The following TLN2 variants were observed in gnomAD, a reference collection of about 807,000 sequenced individuals.
The protein encoded by TLN2 is talin 2.
A neutral mutation model predicts 294.7 loss-of-function variants in TLN2; 118 were observed. That is an observed-to-expected ratio of 0.40 (90% CI 0.34 to 0.47). TLN2 has a LOEUF of 0.47. TLN2 is among the 20% of genes least tolerant of loss of function. The pLI is 0.84. For missense variants in TLN2, 3,083 were observed against 3,282.2 expected (o/e 0.94, Z 1.48); for synonymous variants, 1,431 against 1,304.5 (o/e 1.10, Z -2.09).
At chr15:62,806,278 G>T (rs981198750) in intron 51 of TLN2, among the ~76,000 whole-genome samples, 3 of 152,202 alleles carry the variant, frequency 2.0e-5, no homozygotes, top group Admixed American at 1.3e-4. Flanking sequence ...GTTTGAGAGG[G>T]GATGGAGTCA....
intron 50 of TLN2, among the ~76,000 whole-genome samples, chr15:62,805,323 G>T (rs1392926256): frequency 6.6e-6 from 1 of 152,134 alleles, no homozygotes; most frequent in Non-Finnish European, 1.5e-5. Context: ...AATATTGGGT[G>T]TCAGTTTCTG....
At chr15:62,718,923 A>G (rs942794899) in intron 24 of TLN2, among the ~76,000 whole-genome samples, 12 of 152,344 alleles carry the variant, frequency 7.9e-5, no homozygotes, top group Non-Finnish European at 1.3e-4. Flanking sequence ...GACTAGAACT[A>G]GCAGAACTGG....
intron 28 of TLN2, among the ~76,000 whole-genome samples, chr15:62,728,737 G>A (rs1226279144): frequency 6.6e-6 from 1 of 152,040 alleles, no homozygotes. Flanking sequence ...TGAAAATTGG[G>A]TTATTGTCTT....
Position 62,647,303 on chromosome 15 carries a change from C to G in TLN2, c.-8C>G. The G allele has an allele frequency of 2.5e-6, 4 of 1,613,792 alleles. No homozygotes were observed. Among genetic ancestry groups the G allele is most frequent in the Non-Finnish European group, 3.4e-6 (4 of 1,179,852 alleles). ...TTCTAAGTGAGACTGTCCACATCAT[C>G]TAGGAAAATGGTGGCCCTGTCCTTA... is the stretch of plus-strand genomic sequence containing the variant. On this transcript the variant is annotated 5_prime_UTR_variant, in exon 4 of 59. The change creates a new upstream start codon in the 5' untranslated region. Coordinates refer to ENST00000636159, the MANE Select transcript of TLN2 (RefSeq NM_015059.3).
rs139830804 is a variant in TLN2, at chr15:62,495,466, T to G, written c.-237-94221T>G. 5.3e-4 allele frequency among the ~76,000 whole-genome samples: 80 copies of G among 152,296 alleles called. 2 individuals carry two copies. In the East Asian group the frequency reaches 0.013, roughly 24 times the overall value. ...CTCATGGGAATGGCATTTCCAAGAT[T>G]AGGGGTAAAGTGGGACCTCCCTGTT... is the stretch of plus-strand genomic sequence containing the variant. On this transcript the variant is annotated intron_variant, in intron 1 of 58. Transcript: ENST00000636159.
At position 62,699,941 on chromosome 15, in the gene TLN2, TGCCATCACAGGG is replaced by T. The variant is rs1391952996; in HGVS notation, c.1587+1079_1587+1090del. ...CAACCACTGTTGTAGGACTGACTGG[TGCCATCACAGGG>T]GCCAGAACCAAGATACAGTCTGTAG... On this transcript the variant is annotated intron_variant, in intron 16 of 58. Coordinates refer to ENST00000636159, the MANE Select transcript of TLN2 (RefSeq NM_015059.3). Among the ~76,000 whole-genome samples the T allele has an allele frequency of 9.2e-5, 14 of 152,310 alleles. No individual in the cohort carries two copies. In the East Asian group the frequency reaches 2.7e-3, roughly 29 times the overall value.
chr15:62,455,601 A>G (rs1294868716), intron 1 of TLN2, among the ~76,000 whole-genome samples: 3 of 152,102 alleles, frequency 2.0e-5, no homozygotes, highest in Non-Finnish European at 4.4e-5. Flanking sequence ...TGCGGTTACC[A>G]CTATGCCAGA....
chr15:62,653,886 T>C (rs901126414), intron 7 of TLN2, among the ~76,000 whole-genome samples: 1 of 152,222 alleles, frequency 6.6e-6, no homozygotes, highest in African/African-American at 2.4e-5. Flanking sequence ...CAAATAAGGT[T>C]GAACAAGTTA....
At chr15:62,741,748 C>CGCGCCTGTGTGTGTGTGTGTGTGT in intron 32 of TLN2, among the ~76,000 whole-genome samples, 1 of 131,072 alleles carries the variant, frequency 7.6e-6, no homozygotes, top group Non-Finnish European at 1.6e-5. Context: ...AAAATTTGCG[C>CGCGCCTGTGTGTGTGTGTGTGTGT]GTGTGTGTGT....
chr15:62,786,507 C>T (rs1418711473), intron 45 of TLN2, among the ~76,000 whole-genome samples: 27 of 152,036 alleles, frequency 1.8e-4, no homozygotes, highest in Non-Finnish European at 5.9e-5. Flanking sequence ...TTATTTTCCC[C>T]TTAAAAAAAG....
chr15:62,424,716 A>T (rs1353803892), intron 1 of TLN2, among the ~76,000 whole-genome samples: 1 of 150,880 alleles, frequency 6.6e-6, no homozygotes, highest in Admixed American at 6.6e-5. Flanking sequence ...CTAGTGGCCC[A>T]ATCTTGGCTC....
At chr15:62,450,423 T>TCGC (rs2036039336) in intron 1 of TLN2, among the ~76,000 whole-genome samples, 1 of 149,184 alleles carries the variant, frequency 6.7e-6, no homozygotes, top group Admixed American at 6.9e-5. Context: ...ACATAGATAG[T>TCGC]CGCCTGTAGG....
intron 1 of TLN2, among the ~76,000 whole-genome samples, chr15:62,434,441 CT>C (rs947885708): frequency 6.6e-6 from 1 of 151,994 alleles, no homozygotes; most frequent in African/African-American, 2.4e-5. Flanking sequence ...ACATTTGGGT[CT>C]TTTTTTTATC....
At chr15:62,674,013 T>C in intron 10 of TLN2, 123 bp downstream of exon 10, 3 of 618,996 alleles carry the variant, frequency 4.8e-6, no homozygotes, top group Non-Finnish European at 8.2e-6. Flanking sequence ...AATAAATGAT[T>C]AGTGACTCAA....
intron 7 of TLN2, among the ~76,000 whole-genome samples, chr15:62,653,629 A>G (rs1360595027): frequency 6.6e-6 from 1 of 152,122 alleles, no homozygotes; most frequent in Non-Finnish European, 1.5e-5. Context: ...CAGGAGGCTC[A>G]GGCAGGAGAA....
chr15:62,657,731 C>A, intron 8 of TLN2, 40 bp from the exon 9 acceptor site: 2 of 1,600,852 alleles, frequency 1.2e-6, no homozygotes, highest in Non-Finnish European at 1.7e-6. Flanking sequence ...CGTGTCACTC[C>A]CCGAAGCCTC....
Position 62,694,404 on chromosome 15 carries a change from G to C in TLN2, c.1292+12G>C, listed in dbSNP as rs1249627044. The C allele has an allele frequency of 6.2e-7, 1 of 1,612,780 alleles. No individual in the cohort carries two copies. ...GTTTCCCCAAAAAAGTAAGTATTAT[G>C]AAGAGTACTAGAGGACCACCTTCTC... On this transcript the variant is annotated intron_variant, in intron 14 of 58. Coordinates refer to ENST00000636159, the MANE Select transcript of TLN2 (RefSeq NM_015059.3).
At chr15:62,581,584 C>T (rs2045035332) in intron 1 of TLN2, among the ~76,000 whole-genome samples, 2 of 152,148 alleles carry the variant, frequency 1.3e-5, no homozygotes, top group Non-Finnish European at 2.9e-5. Context: ...GAATAGTGTA[C>T]AGAGGGGAAT....
In TLN2 at chr15:62,835,969, A is replaced by C; in HGVS notation, c.7270A>C (p.Lys2424Gln). The C allele has an allele frequency of 6.2e-7, 1 of 1,614,110 alleles. No individual in the cohort carries two copies. Among genetic ancestry groups the C allele is most frequent in the Non-Finnish European group, 8.5e-7 (1 of 1,179,992 alleles). Residue 2424 changes from lysine (K) to glutamine (Q), a missense_variant, in exon 57 of 59, where the codon AAG becomes CAG. Coordinates refer to ENST00000636159, the MANE Select transcript of TLN2 (RefSeq NM_015059.3). ...CGTTCAGGGACACGCCAGCGAGGAGAAGCTCATCTCATCTGCCAAGCAGGT... is the reference window on the plus strand; with the variant it reads ...CGTTCAGGGACACGCCAGCGAGGAGCAGCTCATCTCATCTGCCAAGCAGGT... ...ASVQGHASEEKLISSAKQVAA... is the reference protein window; with the variant it reads ...ASVQGHASEEQLISSAKQVAA...
Sources: gnomAD v4.1 joint callset for allele counts (sites outside exome capture counted in the v4.1 genomes callset) on GRCh38, gnomAD v4.1.1 for gene constraint, MANE v1.5 for transcripts, NCBI Gene and HGNC (gene_info 2026-07-23, HGNC 2026-07-21) for gene names.